Variants in UNC5A observed in about 807,000 individuals in gnomAD.
UNC5A encodes unc-5 netrin receptor A.
In UNC5A, 20 loss-of-function variants were observed where a neutral mutation model predicts 87.4. The ratio of observed to expected loss-of-function variants is 0.23; its 90% CI spans 0.16 to 0.33. The LOEUF (loss-of-function observed/expected upper bound fraction) is 0.33. UNC5A is among the 10% of genes least tolerant of loss of function. The probability of loss-of-function intolerance (pLI) is 1.00; values close to 1 mark genes in which losing one functional copy is unlikely to be tolerated. For missense variants in UNC5A, 844 were observed against 1,133.4 expected (o/e 0.74, Z 3.67); for synonymous variants, 438 against 482.3 (o/e 0.91, Z 1.20).
Position 176,810,876 on chromosome 5 carries a change from G to T in UNC5A, c.70+56G>T. ...CTTGCGGGGGACCGTGCGCGCGAAC[G>T]CTCGCTGCTCTGGGGGTCCCTGACC... On this transcript the variant is annotated intron_variant, in intron 1 of 14. Coordinates refer to ENST00000329542, the MANE Select transcript of UNC5A (RefSeq NM_133369.3). This position sits in a 1 kb window ranked among gnomAD's most constrained non-coding sequence, Gnocchi z 7.3. The T allele has an allele frequency of 2.5e-6, 3 of 1,197,072 alleles. No individual in the cohort carries two copies. Among genetic ancestry groups the T allele is most frequent in the Non-Finnish European group, 3.1e-6 (3 of 964,422 alleles). 74.2% of individuals were successfully genotyped at this position (1,197,072 alleles called of 1,614,324 possible). A position where few individuals can be genotyped will look rare whatever the true frequency, so the allele number is the denominator to read the frequency against.
rs9800231 is a variant in UNC5A at position 176,859,314 on chromosome 5, C to T, written c.71-3310C>T. Among the ~76,000 whole-genome samples the T allele has an allele frequency of 3.8e-3, 45 of 11,880 alleles. 3 individuals are homozygous for T. The highest frequency in any genetic ancestry group is 5.5e-3 in the African/African-American group (16 of 2,898). The allele number at this position is 11,880 out of a possible 152,430, so 7.8% of individuals were successfully genotyped here. A position where few individuals can be genotyped will look rare whatever the true frequency, so the allele number is the denominator to read the frequency against. Reference sequence around the variant, plus strand: ...GCTAGAGGGCATGGCTGCTAGAATGCCCTTGCTAGAGGGCATAGCTGCTAG... The same window carrying T: ...GCTAGAGGGCATGGCTGCTAGAATGTCCTTGCTAGAGGGCATAGCTGCTAG... On this transcript the variant is annotated intron_variant, in intron 1 of 14. Transcript: ENST00000329542.
chr5:176,843,310 A>C (rs1757324414), intron 1 of UNC5A, among the ~76,000 whole-genome samples: 1 of 152,268 alleles, frequency 6.6e-6, no homozygotes, highest in African/African-American at 2.4e-5. Flanking sequence ...CCGTGGGTTC[A>C]GGCCACTCAG....
chr5:176,855,448 CAGAT>C (rs1757644041), intron 1 of UNC5A, among the ~76,000 whole-genome samples: 2 of 152,340 alleles, frequency 1.3e-5, no homozygotes, highest in South Asian at 4.1e-4. Flanking sequence ...TCTGGGTCCA[CAGAT>C]AGGGTCAGCC....
At chr5:176,834,592 A>T (rs932768385) in intron 1 of UNC5A, among the ~76,000 whole-genome samples, 1 of 152,226 alleles carries the variant, frequency 6.6e-6, no homozygotes. Flanking sequence ...CTGTTTGCCG[A>T]GAGACATATT....
chr5:176,827,876 A>C (rs1204724403), intron 1 of UNC5A, among the ~76,000 whole-genome samples: 1 of 152,126 alleles, frequency 6.6e-6, no homozygotes, highest in Non-Finnish European at 1.5e-5. Context: ...TGGTGCCTGA[A>C]TCTGTGCGTG....
Position 176,824,132 on chromosome 5 carries a change from G to A in UNC5A, c.70+13312G>A, listed in dbSNP as rs73340052. On this transcript the variant is annotated intron_variant, in intron 1 of 14. Transcript: ENST00000329542. This position sits in a 1 kb window ranked among gnomAD's most constrained non-coding sequence, Gnocchi z 4.2. ...GCCAGGGCTTCTCCCGCCTGGAGGC[G>A]GAGGTGCGGCCCCGATGCCTCCCGG... Among the ~76,000 whole-genome samples, 8,688 of 152,328 alleles carry A rather than the reference G, an allele frequency of 0.057. 702 individuals carry two copies. The highest frequency in any genetic ancestry group is 0.18 in the African/African-American group (7,466 of 41,546).
intron 1 of UNC5A, among the ~76,000 whole-genome samples, chr5:176,839,083 T>A (rs531337228): frequency 6.6e-4 from 100 of 152,346 alleles, no homozygotes; most frequent in African/African-American, 2.3e-3. Context: ...GGTCTCTGCC[T>A]GACCTGCCCT....
chr5:176,868,281 T>A lies in UNC5A; in HGVS notation c.436+8T>A. The A allele has an allele frequency of 6.2e-7, 1 of 1,612,776 alleles. No individual in the cohort carries two copies. The highest frequency in any genetic ancestry group is 1.1e-5 in the South Asian group (1 of 91,058). On this transcript the variant is annotated splice_region_variant and intron_variant, in intron 3 of 14. Coordinates refer to ENST00000329542, the MANE Select transcript of UNC5A (RefSeq NM_133369.3). The stretch of plus-strand genomic sequence containing the variant: ...CCTACATCCGCATAGCCTGTGAGTC[T>A]AGGGCTGGGCCCTGGGGGAGGGCGC...
Position 176,877,333 on chromosome 5 carries a change from G to A in UNC5A, c.1466+54G>A, listed in dbSNP as rs1409595898. 77 of 1,516,582 alleles carry A rather than the reference G, an allele frequency of 5.1e-5. 1 individual carries two copies. The highest frequency in any genetic ancestry group is 6.2e-5 in the Non-Finnish European group (69 of 1,107,204). 93.9% of individuals were successfully genotyped at this position (1,516,582 alleles called of 1,614,324 possible). A position where few individuals can be genotyped will look rare whatever the true frequency, so the allele number is the denominator to read the frequency against. On this transcript the variant is annotated intron_variant, in intron 9 of 14. Coordinates refer to ENST00000329542, the MANE Select transcript of UNC5A (RefSeq NM_133369.3). The stretch of plus-strand genomic sequence containing the variant: ...TGGGAGGGACCTGCCTGCTGCCTTC[G>A]GTCCCCAGGAAGCCCCCTGCCCACC...
rs549575654 is a variant in UNC5A, at chr5:176,866,631, C to A, written c.293-1499C>A. ...TGTTCTGGAGGTCTCCCACCCCTAA[C>A]CCCCAAGGCAGAGAGGATGAAGGGA... On this transcript the variant is annotated intron_variant, in intron 2 of 14. Transcript: ENST00000329542. The surrounding 1 kb of genome is among the most constrained non-coding windows in gnomAD (Gnocchi z 5.0). Among the ~76,000 whole-genome samples the A allele has an allele frequency of 4.6e-5, 7 of 152,248 alleles. No homozygotes were observed. Among genetic ancestry groups the A allele is most frequent in the South Asian group, 4.1e-4 (2 of 4,826 alleles).
chr5:176,868,367 C>A lies in UNC5A; in HGVS notation c.436+94C>A. ...GGCTTCCTGGAAGAGGCGGTCCGGT[C>A]AGAAAACCTCACAGCCCTGCCTGGA... On this transcript the variant is annotated intron_variant, in intron 3 of 14. Coordinates refer to ENST00000329542, the MANE Select transcript of UNC5A (RefSeq NM_133369.3). 3 of 1,566,186 alleles carry A rather than the reference C, an allele frequency of 1.9e-6. No homozygotes were observed. In the South Asian group the frequency reaches 3.3e-5, roughly 17 times the overall value.
Position 176,868,492 on chromosome 5 carries a change from G to A in UNC5A, c.437-69G>A, listed in dbSNP as rs563248121. ...TGTGCCACGGCCCCTGCAGGACAAG[G>A]GACACAGCCAGCCAGGCTGAGCCTG... On this transcript the variant is annotated intron_variant, in intron 3 of 14. Coordinates refer to ENST00000329542, the MANE Select transcript of UNC5A (RefSeq NM_133369.3). The A allele has an allele frequency of 2.5e-5, 38 of 1,521,404 alleles. No homozygotes were observed. In the Admixed American group the frequency reaches 6.1e-4, roughly 25 times the overall value. 94.2% of individuals were successfully genotyped at this position (1,521,404 alleles called of 1,614,324 possible).
intron 1 of UNC5A, among the ~76,000 whole-genome samples, chr5:176,812,917 C>T (rs184672229): frequency 1.3e-5 from 2 of 152,156 alleles, no homozygotes; most frequent in African/African-American, 2.4e-5. Context: ...GGGCTCCTCC[C>T]GCGCTGCCTT....
chr5:176,871,836 C>A (rs1758120789), intron 6 of UNC5A, among the ~76,000 whole-genome samples: 1 of 29,804 alleles, frequency 3.4e-5, no homozygotes, highest in African/African-American at 1.2e-4. Context: ...CCCACACTCG[C>A]CCCAACACCA....
rs899126255 is a variant in UNC5A at position 176,877,800 on chromosome 5, C to A, written c.1636-94C>A. 6 of 1,511,898 alleles carry A rather than the reference C, an allele frequency of 4.0e-6. No individual in the cohort carries two copies. The African/African-American group carries it at 8.2e-5, about 21-fold the overall frequency. 93.7% of individuals were successfully genotyped at this position (1,511,898 alleles called of 1,614,324 possible). A position where few individuals can be genotyped will look rare whatever the true frequency, so the allele number is the denominator to read the frequency against. ...GCTGGGTGGTCCTGAGCCGCACCCC[C>A]ACCCCTCCCCAGTCTCCGGCCACTT... On this transcript the variant is annotated intron_variant, in intron 10 of 14. Transcript: ENST00000329542.
chr5:176,840,685 C>G (rs151200662), intron 1 of UNC5A, among the ~76,000 whole-genome samples: 12 of 152,210 alleles, frequency 7.9e-5, no homozygotes, highest in South Asian at 2.1e-4. Context: ...CCTCTCCCCC[C>G]CTGGCCCAGG....
Position 176,810,949 on chromosome 5 carries a change from G to A in UNC5A, c.70+129G>A. The A allele has an allele frequency of 1.3e-6, 1 of 769,680 alleles. No individual in the cohort carries two copies. Among genetic ancestry groups the A allele is most frequent in the Non-Finnish European group, 1.7e-6 (1 of 601,438 alleles). The allele number at this position is 769,680 out of a possible 1,614,324, so 47.7% of individuals were successfully genotyped here. A position where few individuals can be genotyped will look rare whatever the true frequency, so the allele number is the denominator to read the frequency against. On this transcript the variant is annotated intron_variant, in intron 1 of 14. Transcript: ENST00000329542. This position sits in a 1 kb window ranked among gnomAD's most constrained non-coding sequence, Gnocchi z 7.3. ...AGCCCCCCGAGGCCAAACTTTGCGA[G>A]GCGGGACGCGGGGGGCTCTTCTTGC...
chr5:176,869,894 G>A lies in UNC5A; in HGVS notation c.722-476G>A, dbSNP rs1048291710. The A allele has an allele frequency of 3.0e-5, 17 of 567,204 alleles. No individual in the cohort carries two copies. Among genetic ancestry groups the A allele is most frequent in the South Asian group, 2.1e-4 (10 of 48,556 alleles). The allele number at this position is 567,204 out of a possible 1,614,324, so 35.1% of individuals were successfully genotyped here. Reference sequence around the variant, plus strand: ...TGGCTCCATCCCACCCACCCGCCACGCAGGGCCAGGCTCAGTCTGAGGCGG... The same window carrying A: ...TGGCTCCATCCCACCCACCCGCCACACAGGGCCAGGCTCAGTCTGAGGCGG... On this transcript the variant is annotated intron_variant, in intron 5 of 14. Transcript: ENST00000329542. The surrounding 1 kb of genome is among the most constrained non-coding windows in gnomAD (Gnocchi z 9.1).
At chr5:176,828,764 C>G (rs375911659) in intron 1 of UNC5A, among the ~76,000 whole-genome samples, 1 of 151,892 alleles carries the variant, frequency 6.6e-6, no homozygotes, top group Non-Finnish European at 1.5e-5. Context: ...GCTCACTGCT[C>G]GTTCATGGAT....
Sources: gnomAD v4.1 joint callset for allele counts (sites outside exome capture counted in the v4.1 genomes callset) on GRCh38, gnomAD v4.1.1 for gene constraint, Gnocchi (gnomAD v3.1) non-coding constraint, MANE v1.5 for transcripts, NCBI Gene and HGNC (gene_info 2026-07-23, HGNC 2026-07-21) for gene names.